The following UNC5C variants were observed in gnomAD, a reference collection of about 807,000 sequenced individuals.
The protein encoded by UNC5C is netrin receptor UNC5C.
A neutral mutation model predicts 99.8 loss-of-function variants in UNC5C; 47 were observed. The ratio of observed to expected loss-of-function variants is 0.47; its 90% confidence interval spans 0.37 to 0.60. The LOEUF is 0.60. Ranked by LOEUF, UNC5C falls within the 20% of genes least tolerant of loss-of-function variation. The pLI is 0.00. For missense variants in UNC5C, 1,062 were observed against 1,165.9 expected (o/e 0.91, Z 1.30); for synonymous variants, 487 against 452.2 (o/e 1.08, Z -0.98).
intron 1 of UNC5C, among the ~76,000 whole-genome samples, chr4:95,530,391 T>C (rs1348367201): frequency 1.3e-5 from 2 of 152,156 alleles, no homozygotes; most frequent in Non-Finnish European, 2.9e-5. Context: ...GGTGTTCAGT[T>C]CCACAAAGTT....
At chr4:95,254,258 G>T (rs941033320) in intron 4 of UNC5C, among the ~76,000 whole-genome samples, 3 of 152,094 alleles carry the variant, frequency 2.0e-5, no homozygotes, top group Non-Finnish European at 4.4e-5. Context: ...TAACCACAAA[G>T]GTGACGCTTC....
At chr4:95,510,828 T>C (rs72876478) in intron 1 of UNC5C, among the ~76,000 whole-genome samples, 14,323 of 152,138 alleles carry the variant, frequency 0.094, 1,501 homozygotes, top group African/African-American at 0.26. Context: ...TTCAACACTG[T>C]CCGAAATTTG....
In UNC5C at chr4:95,522,561, C is replaced by CA. The variant is rs1256787309; in HGVS notation, c.124+26172dup. ...GTTAACATGAAAAGCAACCTACACA[C>CA]AAAAAAAAGCTTAAAAAAATCAATG... is the stretch of plus-strand genomic sequence containing the variant. On this transcript the variant is annotated intron_variant, in intron 1 of 15. Transcript: ENST00000453304. Among the ~76,000 whole-genome samples the CA allele has an allele frequency of 1.8e-4, 27 of 151,314 alleles. No individual in the cohort carries two copies. The Middle Eastern group carries it at 0.01, about 58-fold the overall frequency.
chr4:95,336,189 T>C (rs994004297), intron 1 of UNC5C, among the ~76,000 whole-genome samples: 4 of 151,942 alleles, frequency 2.6e-5, no homozygotes, highest in Admixed American at 2.0e-4. Context: ...AAAAACCACT[T>C]TAGATAATTT....
intron 10 of UNC5C, among the ~76,000 whole-genome samples, chr4:95,212,459 A>G (rs76160590): frequency 0.042 from 6,379 of 152,266 alleles, 179 homozygotes; most frequent in African/African-American, 0.089. Context: ...TTGAGGAGCC[A>G]CTACTCCTAA....
chr4:95,314,511 C>T (rs973714389), intron 2 of UNC5C, among the ~76,000 whole-genome samples: 1 of 152,162 alleles, frequency 6.6e-6, no homozygotes, highest in Non-Finnish European at 1.5e-5. Context: ...CCCTAGATCC[C>T]TATTCAATAA....
intron 1 of UNC5C, among the ~76,000 whole-genome samples, chr4:95,429,482 G>A (rs1746576128): frequency 6.6e-6 from 1 of 151,850 alleles, no homozygotes; most frequent in African/African-American, 2.4e-5. Context: ...AAATCTAGTT[G>A]TTTTAAGTTG....
rs190648450 is a variant in UNC5C, at chr4:95,182,777, T to G, written c.2451+120A>C. On this transcript the variant is annotated intron_variant, in intron 14 of 15. Transcript: ENST00000453304. ...TATTATTCTATTAACAAATAGGATC[T>G]ATAGAAAGCTTTTGAGGACTTCCCA... 2,305 of 1,063,688 alleles carry G rather than the reference T, an allele frequency of 2.2e-3. 5 individuals carry two copies. Among genetic ancestry groups the G allele is most frequent in the Non-Finnish European group, 2.7e-3 (2,041 of 769,344 alleles). 65.9% of individuals were successfully genotyped at this position (1,063,688 alleles called of 1,614,324 possible).
intron 10 of UNC5C, 108 bp from the exon 11 acceptor site, chr4:95,206,904 T>C: frequency 1.4e-6 from 1 of 692,594 alleles, no homozygotes; most frequent in Non-Finnish European, 2.0e-6. Context: ...CTGGAATTCT[T>C]TTTTTTTTTT....
chr4:95,480,368 T>A lies in UNC5C; in HGVS notation c.124+68366A>T, dbSNP rs947606376. On this transcript the variant is annotated intron_variant, in intron 1 of 15. Coordinates refer to ENST00000453304, the MANE Select transcript of UNC5C (RefSeq NM_003728.4). ...GGGCTTTAGTTTATGACTTCTGCAA[T>A]ACTTAATAGTTTAGGAAAGAGTTGT... 3.3e-5 allele frequency among the ~76,000 whole-genome samples: 5 copies of A among 152,046 alleles called. No individual in the cohort carries two copies. The South Asian group carries it at 8.3e-4, about 25-fold the overall frequency.
At chr4:95,456,486 T>C (rs1747431060) in intron 1 of UNC5C, among the ~76,000 whole-genome samples, 1 of 152,046 alleles carries the variant, frequency 6.6e-6, no homozygotes, top group African/African-American at 2.4e-5. Context: ...AATTCTGGAG[T>C]GCAAGAGATT....
chr4:95,182,367 A>G (rs1321605878), intron 14 of UNC5C, among the ~76,000 whole-genome samples: 1 of 152,044 alleles, frequency 6.6e-6, no homozygotes. Flanking sequence ...AATGATAGAG[A>G]GAAAGGAGAT....
chr4:95,440,680 C>T (rs1037925318), intron 1 of UNC5C, among the ~76,000 whole-genome samples: 1 of 150,756 alleles, frequency 6.6e-6, no homozygotes, highest in South Asian at 2.1e-4. Flanking sequence ...GACCTGACAC[C>T]GAAAAAAAAA....
At chr4:95,526,232 G>A (rs1269047852) in intron 1 of UNC5C, among the ~76,000 whole-genome samples, 1 of 151,984 alleles carries the variant, frequency 6.6e-6, no homozygotes, top group African/African-American at 2.4e-5. Flanking sequence ...GTTTACCCAG[G>A]ACAATCTCAG....
intron 2 of UNC5C, among the ~76,000 whole-genome samples, chr4:95,319,781 G>A (rs1300287212): frequency 1.3e-5 from 2 of 152,114 alleles, no homozygotes; most frequent in Non-Finnish European, 2.9e-5. Flanking sequence ...AAAGTTCTCT[G>A]TTGTGTTTTC....
chr4:95,312,405 A>G (rs558838768), intron 2 of UNC5C, among the ~76,000 whole-genome samples: 42 of 152,330 alleles, frequency 2.8e-4, no homozygotes, highest in African/African-American at 9.9e-4. Flanking sequence ...ATATAGTTAC[A>G]ACAGAAAATA....
At chr4:95,492,394 A>G (rs1455795544) in intron 1 of UNC5C, among the ~76,000 whole-genome samples, 2 of 151,398 alleles carry the variant, frequency 1.3e-5, no homozygotes, top group African/African-American at 4.8e-5. Context: ...TCCTGTTAAA[A>G]TTAACATGGA....
intron 1 of UNC5C, among the ~76,000 whole-genome samples, chr4:95,457,320 G>T (rs949857686): frequency 6.6e-6 from 1 of 152,046 alleles, no homozygotes; most frequent in African/African-American, 2.4e-5. Context: ...GATTTGTCTA[G>T]GGTGTTTTAC....
intron 1 of UNC5C, among the ~76,000 whole-genome samples, chr4:95,523,337 G>C (rs1256180258): frequency 2.0e-5 from 3 of 152,184 alleles, no homozygotes; most frequent in African/African-American, 7.2e-5. Flanking sequence ...TGGGGGATGT[G>C]TGCACTGGGC....
Sources: allele counts gnomAD v4.1 joint callset (sites outside exome capture counted in the v4.1 genomes callset), GRCh38; gene constraint gnomAD v4.1.1; transcripts MANE v1.5; gene names NCBI Gene and HGNC (gene_info 2026-07-23, HGNC 2026-07-21).